Variants in UBE2W observed in about 807,000 individuals in gnomAD.
UBE2W encodes ubiquitin-conjugating enzyme E2 W.
A neutral mutation model predicts 27.2 loss-of-function variants in UBE2W; 18 were observed. That is an observed-to-expected ratio of 0.66 (90% CI 0.46 to 0.98). The LOEUF is 0.98. Among genes scored for constraint, UBE2W ranks in the 50% least tolerant of loss-of-function variants. The probability of loss-of-function intolerance (pLI) is 0.00; values close to 1 mark genes in which losing one functional copy is unlikely to be tolerated. For synonymous variants in UBE2W, 53 were observed against 57.2 expected (o/e 0.93, Z 0.33); for missense variants, 90 against 180.2 (o/e 0.50, Z 2.87).
chr8:73,844,908 C>A (rs571335752), intron 1 of UBE2W, among the ~76,000 whole-genome samples: 3 of 149,460 alleles, frequency 2.0e-5, no homozygotes, highest in African/African-American at 4.9e-5. Context: ...CCCCTCCGCC[C>A]GGCAGCCGCC....
intron 1 of UBE2W, among the ~76,000 whole-genome samples, chr8:73,846,652 A>C (rs973920530): frequency 1.3e-5 from 2 of 152,162 alleles, no homozygotes; most frequent in Non-Finnish European, 1.5e-5. Flanking sequence ...ATCTTTTTTA[A>C]ATTTTGGATG....
intron 1 of UBE2W, among the ~76,000 whole-genome samples, chr8:73,867,753 T>A (rs996415224): frequency 1.1e-4 from 16 of 149,716 alleles, no homozygotes; most frequent in African/African-American, 3.7e-4. Context: ...AAAATTTGCA[T>A]AGATATTTCT....
chr8:73,828,504 T>C (rs1312545757), intron 2 of UBE2W, among the ~76,000 whole-genome samples: 2 of 152,202 alleles, frequency 1.3e-5, no homozygotes, highest in Non-Finnish European at 1.5e-5. Context: ...GAAATGAGTA[T>C]AGTTAGTTCT....
downstream of UBE2W, among the ~76,000 whole-genome samples, chr8:73,781,400 G>A (rs573549386): frequency 7.9e-5 from 12 of 151,600 alleles, no homozygotes; most frequent in South Asian, 2.1e-4. Flanking sequence ...TTCAGCTCCC[G>A]TCTCCACTTA....
At chr8:73,842,055 A>G (rs1337984606) in intron 1 of UBE2W, among the ~76,000 whole-genome samples, 1 of 152,220 alleles carries the variant, frequency 6.6e-6, no homozygotes, top group Non-Finnish European at 1.5e-5. Flanking sequence ...AGAAACGAAC[A>G]CAAATATAAA....
At chr8:73,821,581 G>A (rs1376888107) in intron 3 of UBE2W, among the ~76,000 whole-genome samples, 2 of 131,490 alleles carry the variant, frequency 1.5e-5, no homozygotes, top group Non-Finnish European at 3.1e-5. Flanking sequence ...GTGTGTGCAT[G>A]TCCATGTGTG....
intron 4 of UBE2W, among the ~76,000 whole-genome samples, 160 bp from the exon 5 acceptor site, chr8:73,805,886 T>C (rs1475472122): frequency 6.6e-6 from 1 of 152,118 alleles, no homozygotes; most frequent in East Asian, 1.9e-4. Flanking sequence ...TTCCAGGAAA[T>C]GTGTATGCTT....
intron 1 of UBE2W, among the ~76,000 whole-genome samples, chr8:73,850,239 A>G (rs1001276739): frequency 6.6e-6 from 1 of 152,234 alleles, no homozygotes; most frequent in African/African-American, 2.4e-5. Flanking sequence ...TTTCACCAAA[A>G]TAAGTCCAGT....
intron 5 of UBE2W, among the ~76,000 whole-genome samples, 177 bp downstream of exon 5, chr8:73,805,474 A>AAAAAAAAAAAAAAAAAAAAAAAAAC (rs1563578043): frequency 6.9e-6 from 1 of 144,334 alleles, no homozygotes; most frequent in Non-Finnish European, 1.5e-5. Context: ...AAAAAAAACA[A>AAAAAAAAAAAAAAAAAAAAAAAAAC]AAAAAACTAG....
intron 1 of UBE2W, among the ~76,000 whole-genome samples, chr8:73,866,558 A>G (rs1328424442): frequency 2.0e-5 from 3 of 151,760 alleles, no homozygotes; most frequent in East Asian, 3.8e-4. Context: ...TTCAAAATGA[A>G]TCAAAGACCC....
At chr8:73,870,635 C>G (rs997970180) in intron 1 of UBE2W, among the ~76,000 whole-genome samples, 1 of 151,938 alleles carries the variant, frequency 6.6e-6, no homozygotes, top group African/African-American at 2.4e-5. Context: ...TTACTGAACT[C>G]TCCTACATGT....
intron 1 of UBE2W, among the ~76,000 whole-genome samples, chr8:73,866,268 T>TAAAAAAAA (rs10568367): frequency 4.0e-4 from 17 of 42,310 alleles, no homozygotes; most frequent in African/African-American, 1.1e-3. Context: ...AGACTTGGTC[T>TAAAAAAAA]AAAAAAAAAA....
chr8:73,826,753 T>G (rs558570304), intron 2 of UBE2W, among the ~76,000 whole-genome samples: 1 of 152,330 alleles, frequency 6.6e-6, no homozygotes, highest in South Asian at 2.1e-4. Context: ...GTGAACAAGT[T>G]ATGTTATCTC....
downstream of UBE2W, among the ~76,000 whole-genome samples, chr8:73,783,557 T>C (rs562994893): frequency 1.4e-4 from 22 of 152,256 alleles, no homozygotes; most frequent in South Asian, 4.4e-3. Flanking sequence ...ATTCCAGTAG[T>C]TCATATTATA....
Position 73,805,645 on chromosome 8 carries a change from G to A in UBE2W, c.442+6C>T. On this transcript the variant is annotated splice_donor_region_variant and intron_variant, in intron 5 of 5. Transcript: ENST00000602593. ...TAAAAAGTTATTACAAATTCAAACT[G>A]CTTACCATGATACCACCATTTTGTT... 15 of 1,514,200 alleles carry A rather than the reference G, an allele frequency of 9.9e-6. No individual in the cohort carries two copies. The highest frequency in any genetic ancestry group is 1.4e-5 in the South Asian group (1 of 73,770). 93.8% of individuals were successfully genotyped at this position (1,514,200 alleles called of 1,614,324 possible). A position where few individuals can be genotyped will look rare whatever the true frequency, so the allele number is the denominator to read the frequency against.
At chr8:73,834,376 G>T (rs1377218167) in intron 1 of UBE2W, among the ~76,000 whole-genome samples, 1 of 152,264 alleles carries the variant, frequency 6.6e-6, no homozygotes, top group East Asian at 1.9e-4. Context: ...CTGTGATCAC[G>T]TACATTTTTT....
intron 1 of UBE2W, among the ~76,000 whole-genome samples, chr8:73,857,851 A>G (rs1811369656): frequency 6.6e-6 from 1 of 151,940 alleles, no homozygotes; most frequent in Admixed American, 6.6e-5. Context: ...AAAAATAAAA[A>G]AACCTTTTGC....
At chr8:73,837,876 G>A (rs1369057010) in intron 1 of UBE2W, among the ~76,000 whole-genome samples, 1 of 152,012 alleles carries the variant, frequency 6.6e-6, no homozygotes, top group African/African-American at 2.4e-5. Context: ...ATCCTCCCCA[G>A]GGCGAAAAGG....
intron 1 of UBE2W, among the ~76,000 whole-genome samples, chr8:73,877,152 A>C (rs975642239): frequency 2.6e-5 from 4 of 152,252 alleles, no homozygotes; most frequent in Non-Finnish European, 5.9e-5. Flanking sequence ...ATCTTAATAC[A>C]GATAATAATC....
Sources: allele counts gnomAD v4.1 joint callset (sites outside exome capture counted in the v4.1 genomes callset), GRCh38; gene constraint gnomAD v4.1.1; transcripts MANE v1.5; gene names NCBI Gene and HGNC (gene_info 2026-07-23, HGNC 2026-07-21).